The following PKNOX2 variants were observed in gnomAD, a reference collection of about 807,000 sequenced individuals.
PKNOX2 encodes the protein homeobox protein PKNOX2.
PKNOX2 carries 14 observed loss-of-function variants against 53.1 expected under a neutral mutation model. The observed-to-expected ratio is 0.26, with a 90% confidence interval of 0.17 to 0.41. The LOEUF is 0.41. Among genes scored for constraint, PKNOX2 ranks in the 10% least tolerant of loss-of-function variants. The pLI is 1.00. For missense variants in PKNOX2, 496 were observed against 602.8 expected (o/e 0.82, Z 1.85); for synonymous variants, 257 against 242.8 (o/e 1.06, Z -0.54).
chr11:125,272,274 G>A (rs1166623434), intron 2 of PKNOX2, among the ~76,000 whole-genome samples: 1 of 152,158 alleles, frequency 6.6e-6, no homozygotes, highest in Non-Finnish European at 1.5e-5. Flanking sequence ...GGATCCTTAG[G>A]TAATTGATTC....
At chr11:125,226,153 T>C (rs1941670658) in intron 1 of PKNOX2, among the ~76,000 whole-genome samples, 1 of 152,268 alleles carries the variant, frequency 6.6e-6, no homozygotes, top group Non-Finnish European at 1.5e-5. Context: ...TTTTACAATA[T>C]GTCTGCTTTG....
At chr11:125,409,518 G>C (rs775658948) in intron 7 of PKNOX2, among the ~76,000 whole-genome samples, 1 of 152,122 alleles carries the variant, frequency 6.6e-6, no homozygotes, top group African/African-American at 2.4e-5. Context: ...TTATGGGAAG[G>C]CTAGGGCGGC....
intron 1 of PKNOX2, among the ~76,000 whole-genome samples, chr11:125,167,462 G>C (rs1954975509): frequency 6.6e-6 from 1 of 152,226 alleles, no homozygotes; most frequent in Non-Finnish European, 1.5e-5. Flanking sequence ...CGAGGGGGGA[G>C]GGAGCCGTGA....
intron 1 of PKNOX2, among the ~76,000 whole-genome samples, chr11:125,208,578 G>T (rs1939432169): frequency 6.6e-6 from 1 of 152,078 alleles, no homozygotes; most frequent in Non-Finnish European, 1.5e-5. Context: ...TTGGTAATGG[G>T]ACAGGAGAAA....
chr11:125,276,596 T>C (rs1946177201), intron 2 of PKNOX2, among the ~76,000 whole-genome samples: 1 of 152,248 alleles, frequency 6.6e-6, no homozygotes, highest in Admixed American at 6.5e-5. Flanking sequence ...GATGGGAAGA[T>C]GGGGTAGTTC....
chr11:125,416,350 C>A, intron 10 of PKNOX2, among the ~76,000 whole-genome samples: 1 of 146,698 alleles, frequency 6.8e-6, no homozygotes. Context: ...ACAACTTTGA[C>A]GTTTGGGAAC....
In PKNOX2 at chr11:125,278,037, C is replaced by A. The variant is rs537495581; in HGVS notation, c.-130+42922C>A. On this transcript the variant is annotated intron_variant, in intron 2 of 12. Coordinates refer to ENST00000298282, the MANE Select transcript of PKNOX2 (RefSeq NM_001382323.2). ...TTTGAGACCAGCCTGGGCAACATGG[C>A]AAAACCCCATTTCTACAAAAATACA... Among the ~76,000 whole-genome samples, 44 of 151,862 alleles carry A rather than the reference C, an allele frequency of 2.9e-4. 1 individual carries two copies. In the East Asian group the frequency reaches 7.2e-3, roughly 25 times the overall value.
In PKNOX2 at chr11:125,178,700, A is replaced by G. The variant is rs964757959; in HGVS notation, c.-201+13924A>G. Reference sequence around the variant, plus strand: ...AAAGAGAGAGAGAGAGAGAGAGAGAAAGAAAGAAAGAAAGAAAGAGAAAGG... The same window carrying G: ...AAAGAGAGAGAGAGAGAGAGAGAGAGAGAAAGAAAGAAAGAAAGAGAAAGG... On this transcript the variant is annotated intron_variant, in intron 1 of 12. Transcript: ENST00000298282. Among the ~76,000 whole-genome samples the G allele has an allele frequency of 1.0e-3, 135 of 133,670 alleles. 3 individuals carry two copies. The highest frequency in any genetic ancestry group is 2.1e-3 in the Admixed American group (29 of 13,974). 87.7% of individuals were successfully genotyped at this position (133,670 alleles called of 152,430 possible).
intron 2 of PKNOX2, among the ~76,000 whole-genome samples, chr11:125,269,066 A>T (rs1020393380): frequency 6.6e-6 from 1 of 152,370 alleles, no homozygotes; most frequent in Non-Finnish European, 1.5e-5. Context: ...GTCTCATGGG[A>T]GGAAGAAGGA....
At chr11:125,275,684 C>T (rs949308861) in intron 2 of PKNOX2, among the ~76,000 whole-genome samples, 2 of 152,130 alleles carry the variant, frequency 1.3e-5, no homozygotes, top group African/African-American at 4.8e-5. Context: ...AGATTTTTGG[C>T]ACCTGAATGG....
intron 2 of PKNOX2, among the ~76,000 whole-genome samples, chr11:125,239,419 C>T (rs1211885772): frequency 6.6e-6 from 1 of 152,146 alleles, no homozygotes; most frequent in Non-Finnish European, 1.5e-5. Context: ...AGAATCCAGC[C>T]AGCCCAGCCT....
chr11:125,341,280 C>A (rs1247075932), intron 3 of PKNOX2, among the ~76,000 whole-genome samples: 2 of 150,968 alleles, frequency 1.3e-5, no homozygotes, highest in Admixed American at 1.3e-4. Context: ...CGCTTGAACC[C>A]GGGAGGCAGA....
chr11:125,390,877 T>C (rs1954009685), intron 6 of PKNOX2, among the ~76,000 whole-genome samples: 1 of 152,250 alleles, frequency 6.6e-6, no homozygotes, highest in Non-Finnish European at 1.5e-5. Flanking sequence ...TGTCCCCGAA[T>C]CATCAGGCAG....
At chr11:125,272,200 G>A (rs1026876525) in intron 2 of PKNOX2, among the ~76,000 whole-genome samples, 2 of 152,200 alleles carry the variant, frequency 1.3e-5, no homozygotes, top group African/African-American at 2.4e-5. Flanking sequence ...GTGAAGGGTC[G>A]TGGGGGTGTG....
intron 3 of PKNOX2, among the ~76,000 whole-genome samples, chr11:125,348,469 G>A (rs1049911396): frequency 1.2e-4 from 18 of 152,372 alleles, no homozygotes; most frequent in Non-Finnish European, 4.4e-5. Flanking sequence ...CCCAAGGAGG[G>A]GGAGGGGCCA....
At position 125,329,435 on chromosome 11, in the gene PKNOX2, T is replaced by A. The variant is rs140208355; in HGVS notation, c.-129-2384T>A. ...AAAATACCTACTTTTAAAGGTTGTTTTAAGAGTTAAAGAAGATATTACACA... is the reference window on the plus strand; with the variant it reads ...AAAATACCTACTTTTAAAGGTTGTTATAAGAGTTAAAGAAGATATTACACA... On this transcript the variant is annotated intron_variant, in intron 2 of 12. Transcript: ENST00000298282. Among the ~76,000 whole-genome samples the A allele has an allele frequency of 4.7e-3, 711 of 152,344 alleles. 4 individuals are homozygous for A. Among genetic ancestry groups the A allele is most frequent in the African/African-American group, 0.016 (673 of 41,580 alleles).
At chr11:125,355,504 A>G (rs755955608) in intron 4 of PKNOX2, among the ~76,000 whole-genome samples, 30 of 152,104 alleles carry the variant, frequency 2.0e-4, no homozygotes, top group Non-Finnish European at 3.8e-4. Flanking sequence ...TCACTGGGGT[A>G]GTGGAATTCT....
intron 4 of PKNOX2, among the ~76,000 whole-genome samples, chr11:125,351,681 G>A (rs893756231): frequency 6.6e-6 from 1 of 152,132 alleles, no homozygotes; most frequent in Non-Finnish European, 1.5e-5. Context: ...GCAGACAAGC[G>A]CAGCCAAGCC....
chr11:125,243,554 T>A (rs1042373134), intron 2 of PKNOX2, among the ~76,000 whole-genome samples: 5 of 152,180 alleles, frequency 3.3e-5, no homozygotes, highest in African/African-American at 1.2e-4. Flanking sequence ...GTTGCTGCAC[T>A]CTTTCCAGGC....
Sources: allele counts gnomAD v4.1 joint callset (sites outside exome capture counted in the v4.1 genomes callset), GRCh38; gene constraint gnomAD v4.1.1; transcripts MANE v1.5; gene names NCBI Gene and HGNC (gene_info 2026-07-23, HGNC 2026-07-21).